Variants in SRGAP3 observed in about 807,000 individuals in gnomAD.
SRGAP3 encodes SLIT-ROBO Rho GTPase-activating protein 3.
Under a neutral mutation model 121.1 loss-of-function variants are expected in SRGAP3, and 39 were observed. That is an observed-to-expected ratio of 0.32 (90% CI 0.25 to 0.42). SRGAP3 has a LOEUF of 0.42. Among genes scored for constraint, SRGAP3 ranks in the 10% least tolerant of loss-of-function variants. The probability of loss-of-function intolerance (pLI) is 1.00; values close to 1 mark genes in which losing one functional copy is unlikely to be tolerated. For missense variants in SRGAP3, 1,213 were observed against 1,470.6 expected, an observed-to-expected ratio of 0.82 and a Z score of 2.86; for synonymous variants, 601 against 570.0, an observed-to-expected ratio of 1.05 and a Z score of -0.77.
At chr3:9,045,552 C>T (rs1945227307) in intron 10 of SRGAP3, among the ~76,000 whole-genome samples, 1 of 151,832 alleles carries the variant, frequency 6.6e-6, no homozygotes, top group South Asian at 2.1e-4. Flanking sequence ...TGATGACCGT[C>T]ATCATCAATC....
At chr3:9,080,235 C>T in intron 3 of SRGAP3, 148 bp from the exon 4 acceptor site, 1 of 729,476 alleles carries the variant, frequency 1.4e-6, no homozygotes. Context: ...TCTACAACAA[C>T]ATAAATTCCT....
chr3:9,253,917 T>C (rs1007285262), upstream of SRGAP3, among the ~76,000 whole-genome samples: 2 of 152,238 alleles, frequency 1.3e-5, no homozygotes, highest in South Asian at 2.1e-4. Context: ...GAGGTTTTGA[T>C]GGTACAGTTG....
At chr3:9,023,577 A>G (rs1335483332) in intron 14 of SRGAP3, among the ~76,000 whole-genome samples, 1 of 151,998 alleles carries the variant, frequency 6.6e-6, no homozygotes, top group Non-Finnish European at 1.5e-5. Flanking sequence ...AGGGCCTCCT[A>G]TGCTCCCCAA....
At chr3:9,194,840 C>T (rs182699601) in intron 1 of SRGAP3, among the ~76,000 whole-genome samples, 62 of 152,342 alleles carry the variant, frequency 4.1e-4, no homozygotes, top group Non-Finnish European at 1.5e-5. Flanking sequence ...TGTCCAGATC[C>T]CTGTTCCCAG....
At chr3:9,124,506 T>A (rs186462828) in intron 2 of SRGAP3, among the ~76,000 whole-genome samples, 1 of 152,340 alleles carries the variant, frequency 6.6e-6, no homozygotes, top group South Asian at 2.1e-4. Flanking sequence ...GTTCATTTAT[T>A]CCCTTCAGGA....
chr3:9,146,907 G>T (rs111757714), intron 1 of SRGAP3, among the ~76,000 whole-genome samples: 1 of 152,190 alleles, frequency 6.6e-6, no homozygotes, highest in Admixed American at 6.5e-5. Context: ...GACGCCCAGC[G>T]GTGGCAGCCT....
chr3:9,166,212 T>C (rs1950779675), intron 1 of SRGAP3, among the ~76,000 whole-genome samples: 1 of 152,180 alleles, frequency 6.6e-6, no homozygotes. Context: ...CAGTTAATCC[T>C]TCCCCACTAG....
At chr3:9,057,991 C>T (rs974460849) in intron 7 of SRGAP3, among the ~76,000 whole-genome samples, 6 of 152,118 alleles carry the variant, frequency 3.9e-5, no homozygotes, top group Non-Finnish European at 8.8e-5. Context: ...CAGACTGGGG[C>T]TCCCTTGGAG....
chr3:9,148,637 AT>A (rs1950106017), intron 1 of SRGAP3, among the ~76,000 whole-genome samples: 1 of 152,138 alleles, frequency 6.6e-6, no homozygotes, highest in South Asian at 2.1e-4. Flanking sequence ...GGGGCCTCCA[AT>A]TTACAATGGA....
At chr3:9,313,976 G>T (rs1160771031) in intron 3 of SRGAP3, among the ~76,000 whole-genome samples, 2 of 152,364 alleles carry the variant, frequency 1.3e-5, no homozygotes, top group East Asian at 3.9e-4. Context: ...CTAGATGACA[G>T]AGTGAGACTC....
At chr3:9,130,409 C>A (rs1949401330) in intron 1 of SRGAP3, among the ~76,000 whole-genome samples, 1 of 152,148 alleles carries the variant, frequency 6.6e-6, no homozygotes, top group African/African-American at 2.4e-5. Context: ...CCCACAAGAC[C>A]AAACCTTGTC....
In SRGAP3 at chr3:8,985,369, C is replaced by T. The variant is rs1176761624; in HGVS notation, c.*150G>A. 19 of 1,424,094 alleles carry T rather than the reference C, an allele frequency of 1.3e-5. No individual in the cohort carries two copies. Among genetic ancestry groups the T allele is most frequent in the Non-Finnish European group, 1.7e-5 (18 of 1,090,030 alleles). The allele number at this position is 1,424,094 out of a possible 1,614,324, so 88.2% of individuals were successfully genotyped here. A position where few individuals can be genotyped will look rare whatever the true frequency, so the allele number is the denominator to read the frequency against. On this transcript the variant is annotated 3_prime_UTR_variant, in exon 22 of 22. Transcript: ENST00000383836. The surrounding 1 kb of genome is among the most constrained non-coding windows in gnomAD (Gnocchi z 5.1). Reference sequence around the variant, plus strand: ...GGCTGGACGTGAGCTGCAGCCAGCGCCCGGGCCTCAGCTCTGCACAGACAC... The same window carrying T: ...GGCTGGACGTGAGCTGCAGCCAGCGTCCGGGCCTCAGCTCTGCACAGACAC...
chr3:9,130,807 T>G (rs1273056689), intron 1 of SRGAP3, among the ~76,000 whole-genome samples: 2 of 152,238 alleles, frequency 1.3e-5, no homozygotes, highest in Non-Finnish European at 2.9e-5. Context: ...GCCTTCCTCA[T>G]TACAGAGCAT....
At chr3:9,125,013 G>C (rs1051117111) in intron 1 of SRGAP3, 96 bp from the exon 2 acceptor site, 2 of 1,437,780 alleles carry the variant, frequency 1.4e-6, no homozygotes, top group African/African-American at 2.8e-5. Flanking sequence ...AATTCAGGCA[G>C]CTCCCTCCTA....
chr3:9,046,456 G>GA (rs1203489624), intron 10 of SRGAP3, among the ~76,000 whole-genome samples: 1 of 152,250 alleles, frequency 6.6e-6, no homozygotes, highest in Non-Finnish European at 1.5e-5. Context: ...GCACAGTAAG[G>GA]AAAGGGAGAA....
chr3:9,249,681 C>T (rs1953953333), upstream of SRGAP3: 1 of 232,856 alleles, frequency 4.3e-6, no homozygotes, highest in Admixed American at 5.6e-5. Context: ...CTCTCCCCCA[C>T]TGCTCACGTC....
chr3:9,201,407 CT>C (rs1481140541), intron 1 of SRGAP3, among the ~76,000 whole-genome samples: 2 of 152,226 alleles, frequency 1.3e-5, no homozygotes, highest in African/African-American at 4.8e-5. Flanking sequence ...AAAATGAAAA[CT>C]TGCCTGCTGA....
intron 3 of SRGAP3, among the ~76,000 whole-genome samples, chr3:9,094,407 T>C (rs1947884500): frequency 6.6e-6 from 1 of 152,216 alleles, no homozygotes; most frequent in South Asian, 2.1e-4. Flanking sequence ...TGTTTCTCTA[T>C]TAGAAACACC....
At chr3:9,306,868 A>G (rs1457812863) in intron 3 of SRGAP3, among the ~76,000 whole-genome samples, 2 of 152,224 alleles carry the variant, frequency 1.3e-5, no homozygotes, top group African/African-American at 4.8e-5. Context: ...TTTAACTTAG[A>G]GACTTAAGAG....
Sources: gnomAD v4.1 joint callset for allele counts (sites outside exome capture counted in the v4.1 genomes callset) on GRCh38, gnomAD v4.1.1 for gene constraint, Gnocchi (gnomAD v3.1) non-coding constraint, MANE v1.5 for transcripts, NCBI Gene and HGNC (gene_info 2026-07-23, HGNC 2026-07-21) for gene names.